The following SLC5A10 variants were observed in gnomAD, a reference collection of about 807,000 sequenced individuals.
SLC5A10 encodes solute carrier family 5 member 10.
Under a neutral mutation model 68.9 loss-of-function variants are expected in SLC5A10, and 55 were observed. The observed-to-expected ratio is 0.80, with a 90% CI of 0.64 to 1.00. The LOEUF (loss-of-function observed/expected upper bound fraction) is 1.00, where lower values mean the gene tolerates loss of function less well. SLC5A10 is among the 50% of genes least tolerant of loss of function. The pLI, the probability that SLC5A10 is intolerant of heterozygous loss-of-function variation, is 0.00. For synonymous variants in SLC5A10, 344 were observed against 344.8 expected, an observed-to-expected ratio of 1.00 and a Z score of 0.02; for missense variants, 732 against 819.3, an observed-to-expected ratio of 0.89 and a Z score of 1.30.
At chr17:18,965,194 G>T (rs900574496) in intron 5 of SLC5A10, among the ~76,000 whole-genome samples, 8 of 152,116 alleles carry the variant, frequency 5.3e-5, no homozygotes, top group Non-Finnish European at 8.8e-5. Flanking sequence ...CCAGGGTGGG[G>T]GCAGCAGAGG....
chr17:18,998,844 G>A (rs2043640188), intron 9 of SLC5A10, among the ~76,000 whole-genome samples: 1 of 152,228 alleles, frequency 6.6e-6, no homozygotes, highest in Non-Finnish European at 1.5e-5. Context: ...GTGGGGAGCT[G>A]TCCTGGCACT....
chr17:18,957,019 C>T (rs575080673), intron 1 of SLC5A10, among the ~76,000 whole-genome samples: 4 of 152,104 alleles, frequency 2.6e-5, no homozygotes, highest in South Asian at 2.1e-4. Flanking sequence ...TGTGGTGGTG[C>T]GCACCTGTAA....
chr17:18,959,102 T>G (rs1311183269), intron 2 of SLC5A10, 33 bp from the exon 3 acceptor site: 1 of 1,592,626 alleles, frequency 6.3e-7, no homozygotes. Flanking sequence ...GCAGGGAGCC[T>G]GCTGCTGATG....
chr17:18,988,414 C>G (rs764403665), intron 9 of SLC5A10: 1 of 1,613,826 alleles, frequency 6.2e-7, no homozygotes, highest in South Asian at 1.1e-5. Flanking sequence ...ACAGCTATCA[C>G]CTGGGAGCAA....
At chr17:18,977,726 C>G (rs200038747) in intron 9 of SLC5A10, 1 of 1,608,152 alleles carries the variant, frequency 6.2e-7, no homozygotes, top group South Asian at 1.1e-5. Context: ...ACTCAGCTGC[C>G]GGCGCGGTGG....
chr17:18,957,372 CGTAG>C, intron 1 of SLC5A10, among the ~76,000 whole-genome samples: 1 of 152,284 alleles, frequency 6.6e-6, no homozygotes, highest in East Asian at 1.9e-4. Context: ...TGTGGGAATA[CGTAG>C]GTAAGGAGCT....
At position 18,972,867 on chromosome 17, in the gene SLC5A10, T is replaced by TAA. The variant is rs35947526; in HGVS notation, c.846+1665_846+1666dup. Among the ~76,000 whole-genome samples the TAA allele has an allele frequency of 7.0e-4, 97 of 137,812 alleles. 1 individual carries two copies. Among genetic ancestry groups the TAA allele is most frequent in the Middle Eastern group, 7.6e-3 (2 of 264 alleles). 90.4% of individuals were successfully genotyped at this position (137,812 alleles called of 152,430 possible). A position where few individuals can be genotyped will look rare whatever the true frequency, so the allele number is the denominator to read the frequency against. On this transcript the variant is annotated intron_variant, in intron 8 of 14. Coordinates refer to ENST00000395645, the MANE Select transcript of SLC5A10 (RefSeq NM_001042450.4). ...CTGGGGGACAGAGCGAGACTCCGTCTAAAAAAAAAAAAAAAAAGAACAGAC... is the reference window on the plus strand; with the variant it reads ...CTGGGGGACAGAGCGAGACTCCGTCTAAAAAAAAAAAAAAAAAAAGAACAGAC...
chr17:18,969,262 C>CAGGAGCCCCAGA lies in SLC5A10; in HGVS notation c.560-77_560-66dup, dbSNP rs1281914740. ...GGAGCAGCCCAGGAAGTGGCCCCAG[C>CAGGAGCCCCAGA]AGGAGCCCCAGAAGTTCCTCCCCGT... On this transcript the variant is annotated intron_variant, in intron 6 of 14. Transcript: ENST00000395645. 4.1e-4 allele frequency: 648 copies of CAGGAGCCCCAGA among 1,575,736 alleles called. 1 individual carries two copies. Among genetic ancestry groups the CAGGAGCCCCAGA allele is most frequent in the Non-Finnish European group, 5.5e-4 (635 of 1,153,500 alleles).
chr17:18,957,147 C>CA (rs1431924512), intron 1 of SLC5A10, among the ~76,000 whole-genome samples: 1 of 152,042 alleles, frequency 6.6e-6, no homozygotes, highest in Non-Finnish European at 1.5e-5. Context: ...GATTCTGTCT[C>CA]AAAAAACAAA....
At position 18,960,573 on chromosome 17, in the gene SLC5A10, A is replaced by C. The variant is rs770712809; in HGVS notation, c.374A>C (p.Gln125Pro). Residue 125 changes from glutamine (Q) to proline (P), a missense_variant, in exon 5 of 15, where the codon CAG (glutamine) becomes CCG (proline). Coordinates refer to ENST00000395645, the MANE Select transcript of SLC5A10 (RefSeq NM_001042450.4). The part of the protein sequence containing the change: ...SEIVTLPEYI[Q>P]KRYGGQRIRM... ...ATCGTCACCTTACCTGAGTACATTC[A>C]GAAGCGCTACGGGGGCCAGCGGATC... The C allele has an allele frequency of 1.2e-6, 2 of 1,613,992 alleles. No individual in the cohort carries two copies. Among genetic ancestry groups the C allele is most frequent in the Non-Finnish European group, 1.7e-6 (2 of 1,180,006 alleles).
chr17:18,980,076 G>C (rs566809976), intron 9 of SLC5A10, among the ~76,000 whole-genome samples: 20 of 152,266 alleles, frequency 1.3e-4, no homozygotes, highest in Middle Eastern at 3.4e-3. Flanking sequence ...GAAGTGTCTC[G>C]TGGATGGCTA....
Position 19,003,449 on chromosome 17 carries a change from A to C in SLC5A10, c.983-9961A>C. 6.9e-7 allele frequency: 1 copy of C among 1,452,838 alleles called. No individual in the cohort carries two copies. The highest frequency in any genetic ancestry group is 9.1e-7 in the Non-Finnish European group (1 of 1,097,918). The allele number at this position is 1,452,838 out of a possible 1,614,324, so 90.0% of individuals were successfully genotyped here. A position where few individuals can be genotyped will look rare whatever the true frequency, so the allele number is the denominator to read the frequency against. On this transcript the variant is annotated intron_variant, in intron 9 of 14. Coordinates refer to ENST00000395645, the MANE Select transcript of SLC5A10 (RefSeq NM_001042450.4). The surrounding 1 kb of genome is among the most constrained non-coding windows in gnomAD (Gnocchi z 4.5). ...TGTTGGGCTCCCGTTTTGGGCTCTG[A>C]GTGAGCCTGTATTGAGAGGGGTCCG...
chr17:18,978,174 G>C, intron 9 of SLC5A10: 2 of 1,539,028 alleles, frequency 1.3e-6, no homozygotes, highest in South Asian at 1.3e-5. Flanking sequence ...AATGGCTCAG[G>C]GTCCCCCTGG....
chr17:18,979,727 G>A (rs901464512), intron 9 of SLC5A10: 3 of 1,602,616 alleles, frequency 1.9e-6, no homozygotes, highest in Non-Finnish European at 2.6e-6. Context: ...GACCACACAG[G>A]GCGAGGGGAG....
Position 19,011,530 on chromosome 17 carries a change from G to A in SLC5A10, c.983-1880G>A, listed in dbSNP as rs528663664. 2.2e-3 allele frequency among the ~76,000 whole-genome samples: 337 copies of A among 152,278 alleles called. 1 individual carries two copies. The highest frequency in any genetic ancestry group is 8.0e-3 in the African/African-American group (332 of 41,540). The stretch of plus-strand genomic sequence containing the variant: ...ATGGGCTGAGAGGTGGGGGTAGGGA[G>A]GAGGGTCCTGAGAAATAAGTAATAG... On this transcript the variant is annotated intron_variant, in intron 9 of 14. Transcript: ENST00000395645.
At chr17:19,014,931 C>A in intron 10 of SLC5A10, 118 bp from the exon 11 acceptor site, 1 of 1,269,486 alleles carries the variant, frequency 7.9e-7, no homozygotes, top group South Asian at 1.4e-5. Context: ...TCCCCGCCCT[C>A]TGCCTTGGAG....
chr17:18,972,189 C>A (rs912353138), intron 8 of SLC5A10, among the ~76,000 whole-genome samples: 1 of 152,188 alleles, frequency 6.6e-6, no homozygotes, highest in Non-Finnish European at 1.5e-5. Context: ...GGTGCCCTTG[C>A]TTTGCTTGTC....
rs201298825 is a variant in SLC5A10, at chr17:18,971,008, T to C, written c.641-5T>C. 3.1e-6 allele frequency: 5 copies of C among 1,613,696 alleles called. No individual in the cohort carries two copies. The highest frequency in any genetic ancestry group is 4.2e-6 in the Non-Finnish European group (5 of 1,179,996). The stretch of plus-strand genomic sequence containing the variant: ...ACTGTCCCTGTTCCACCCTGACCCC[T>C]CCAGCTTTTGACCAGATCGGTGGTT... On this transcript the variant is annotated splice_region_variant and splice_polypyrimidine_tract_variant and intron_variant, in intron 7 of 14. Transcript: ENST00000395645. This position sits in a 1 kb window ranked among gnomAD's most constrained non-coding sequence, Gnocchi z 5.5.
At chr17:18,961,921 C>T (rs1057377555) in intron 5 of SLC5A10, among the ~76,000 whole-genome samples, 2 of 152,208 alleles carry the variant, frequency 1.3e-5, no homozygotes, top group African/African-American at 4.8e-5. Flanking sequence ...TGGCCAGCAG[C>T]AAACCCCGTA....
Sources: allele counts gnomAD v4.1 joint callset (sites outside exome capture counted in the v4.1 genomes callset), GRCh38; gene constraint gnomAD v4.1.1; non-coding constraint Gnocchi (gnomAD v3.1); transcripts MANE v1.5; gene names NCBI Gene and HGNC (gene_info 2026-07-23, HGNC 2026-07-21).